The following LRRTM4 variants were observed in gnomAD, a reference collection of about 807,000 sequenced individuals.
LRRTM4 encodes leucine-rich repeat transmembrane neuronal protein 4.
LRRTM4 carries 25 observed loss-of-function variants against 47.6 expected under a neutral mutation model. The observed-to-expected ratio is 0.53, with a 90% CI of 0.38 to 0.73. The LOEUF (loss-of-function observed/expected upper bound fraction) is 0.73, where lower values mean the gene tolerates loss of function less well. Ranked by LOEUF, LRRTM4 falls within the 30% of genes least tolerant of loss-of-function variation. The pLI is 0.00. For synonymous variants in LRRTM4, 311 were observed against 269.5 expected (o/e 1.15, Z -1.51); for missense variants, 638 against 713.4 (o/e 0.89, Z 1.20).
rs187078257 is a variant in LRRTM4, at chr2:77,101,941, G to A, written c.1552-353025C>T. 2.2e-4 allele frequency among the ~76,000 whole-genome samples: 34 copies of A among 152,216 alleles called. 1 individual carries two copies. The East Asian group carries it at 6.6e-3, about 29-fold the overall frequency. ...TTGCTACATGAGTCTTCAAAAAAACGTTTCCCACATTCGCTTAGTCCATTG... is the reference window on the plus strand; with the variant it reads ...TTGCTACATGAGTCTTCAAAAAAACATTTCCCACATTCGCTTAGTCCATTG... On this transcript the variant is annotated intron_variant, in intron 3 of 3. Coordinates refer to ENST00000409884, the MANE Select transcript of LRRTM4 (RefSeq NM_001134745.3).
chr2:77,036,538 C>T (rs1375490773), intron 3 of LRRTM4, among the ~76,000 whole-genome samples: 2 of 151,584 alleles, frequency 1.3e-5, no homozygotes, highest in Non-Finnish European at 3.0e-5. Context: ...TCCTACAATC[C>T]TTATCATCAT....
chr2:77,177,549 C>A (rs1182387953), intron 3 of LRRTM4, among the ~76,000 whole-genome samples: 1 of 152,132 alleles, frequency 6.6e-6, no homozygotes, highest in Non-Finnish European at 1.5e-5. Context: ...GGTGCAGAAA[C>A]CTATGTCTTC....
At position 76,795,574 on chromosome 2, in the gene LRRTM4, T is replaced by A. The variant is rs1334667595; in HGVS notation, c.1552-46658A>T. On this transcript the variant is annotated intron_variant, in intron 3 of 3. Transcript: ENST00000409884. ...GTATATGCATATATACATGTGCATA[T>A]ATATGCACACACACACATACACACA... 2.6e-5 allele frequency among the ~76,000 whole-genome samples: 3 copies of A among 116,034 alleles called. No homozygotes were observed. In the East Asian group the frequency reaches 9.4e-4, roughly 36 times the overall value. 76.1% of individuals were successfully genotyped at this position (116,034 alleles called of 152,430 possible).
chr2:76,881,348 G>A (rs1438241207), intron 3 of LRRTM4, among the ~76,000 whole-genome samples: 4 of 151,644 alleles, frequency 2.6e-5, no homozygotes, highest in African/African-American at 9.7e-5. Flanking sequence ...GCCTATCAAG[G>A]TTTTATCTTT....
chr2:77,138,352 A>C (rs566624619), intron 3 of LRRTM4, among the ~76,000 whole-genome samples: 16 of 152,238 alleles, frequency 1.1e-4, no homozygotes, highest in African/African-American at 3.9e-4. Context: ...GGAAACAGAA[A>C]AACCTGCTCC....
chr2:77,027,852 C>T (rs1678508413), intron 3 of LRRTM4, among the ~76,000 whole-genome samples: 1 of 151,608 alleles, frequency 6.6e-6, no homozygotes, highest in African/African-American at 2.4e-5. Context: ...ATTCAATATC[C>T]AAAAGAATAT....
intron 3 of LRRTM4, among the ~76,000 whole-genome samples, chr2:76,768,916 A>G (rs1346440429): frequency 1.3e-5 from 2 of 152,114 alleles, no homozygotes; most frequent in Non-Finnish European, 2.9e-5. Context: ...GACATGCTAT[A>G]TTGAAATTCA....
At chr2:77,461,775 C>T (rs1676797385) in intron 3 of LRRTM4, among the ~76,000 whole-genome samples, 1 of 152,030 alleles carries the variant, frequency 6.6e-6, no homozygotes, top group Non-Finnish European at 1.5e-5. Context: ...ATTTTGTTCT[C>T]TTGCTCTGGG....
chr2:77,114,766 G>C (rs190212590), intron 3 of LRRTM4, among the ~76,000 whole-genome samples: 1 of 152,142 alleles, frequency 6.6e-6, no homozygotes, highest in Non-Finnish European at 1.5e-5. Flanking sequence ...TGCAAAACCA[G>C]CAAGTTTTTA....
chr2:77,041,056 A>T (rs78226399), intron 3 of LRRTM4, among the ~76,000 whole-genome samples: 1 of 151,222 alleles, frequency 6.6e-6, no homozygotes, highest in African/African-American at 2.4e-5. Flanking sequence ...GTACTCATCA[A>T]CCAACCCCTC....
At chr2:77,201,523 A>G (rs143256703) in intron 3 of LRRTM4, among the ~76,000 whole-genome samples, 443 of 152,282 alleles carry the variant, frequency 2.9e-3, no homozygotes, top group African/African-American at 9.9e-3. Context: ...AAGCTGTGAC[A>G]GAGAGATGTC....
intron 3 of LRRTM4, among the ~76,000 whole-genome samples, chr2:77,508,640 C>T (rs1678866362): frequency 6.6e-6 from 1 of 151,840 alleles, no homozygotes; most frequent in Admixed American, 6.6e-5. Context: ...GAGAAATATT[C>T]CATTGAAAAA....
chr2:76,900,320 GT>G (rs1195248677), intron 3 of LRRTM4, among the ~76,000 whole-genome samples: 6 of 144,240 alleles, frequency 4.2e-5, no homozygotes, highest in Non-Finnish European at 9.0e-5. Flanking sequence ...GATATATATA[GT>G]TTTTTGTAGA....
intron 3 of LRRTM4, among the ~76,000 whole-genome samples, chr2:76,753,813 T>C (rs899200792): frequency 1.3e-5 from 2 of 152,160 alleles, no homozygotes; most frequent in African/African-American, 4.8e-5. Context: ...ACTCTTGATA[T>C]ATATGATTGT....
intron 3 of LRRTM4, among the ~76,000 whole-genome samples, chr2:76,848,009 C>G (rs576458445): frequency 9.9e-5 from 15 of 152,150 alleles, no homozygotes; most frequent in African/African-American, 3.6e-4. Flanking sequence ...AGGGTGGAAT[C>G]TTAATGGAGT....
chr2:77,009,370 A>G (rs1333708096), intron 3 of LRRTM4: 2 of 152,152 alleles, frequency 1.3e-5, no homozygotes, highest in Non-Finnish European at 2.9e-5. Flanking sequence ...GAAGTTGAAC[A>G]CACATTTTCA....
Position 76,955,771 on chromosome 2 carries a change from G to A in LRRTM4, c.1552-206855C>T, listed in dbSNP as rs185053448. 3.1e-3 allele frequency among the ~76,000 whole-genome samples: 469 copies of A among 151,696 alleles called. 1 individual carries two copies. The highest frequency in any genetic ancestry group is 5.0e-3 in the Non-Finnish European group (339 of 67,786). On this transcript the variant is annotated intron_variant, in intron 3 of 3. Coordinates refer to ENST00000409884, the MANE Select transcript of LRRTM4 (RefSeq NM_001134745.3). ...GGGAGGGTACAAGGAGTGGATGACC[G>A]TCTGCAACCAAGAGTGGGCCCTCAC...
intron 3 of LRRTM4, among the ~76,000 whole-genome samples, chr2:77,044,133 C>T (rs1219569701): frequency 6.6e-6 from 1 of 151,746 alleles, no homozygotes; most frequent in African/African-American, 2.4e-5. Flanking sequence ...ATTTAAATGA[C>T]TGCTCTTGGT....
chr2:77,036,100 G>A (rs1678827194), intron 3 of LRRTM4, among the ~76,000 whole-genome samples: 2 of 151,786 alleles, frequency 1.3e-5, no homozygotes, highest in African/African-American at 4.8e-5. Flanking sequence ...ATATGCATGA[G>A]TAGTAATGGT....
Sources: allele counts gnomAD v4.1 joint callset (sites outside exome capture counted in the v4.1 genomes callset), GRCh38; gene constraint gnomAD v4.1.1; transcripts MANE v1.5; gene names NCBI Gene and HGNC (gene_info 2026-07-23, HGNC 2026-07-21).